The following CENPO variants were observed in gnomAD, a reference collection of about 807,000 sequenced individuals.
The protein encoded by CENPO is centromere protein O.
CENPO carries 30 observed loss-of-function variants against 36.1 expected under a neutral mutation model. That is an observed-to-expected ratio of 0.83 (90% CI 0.62 to 1.13). CENPO has a LOEUF of 1.13. Among genes scored for constraint, CENPO ranks in the 50% most tolerant of loss-of-function variants. CENPO has a pLI of 0.00. For synonymous variants in CENPO, 171 were observed against 142.3 expected, an observed-to-expected ratio of 1.20 and a Z score of -1.44; for missense variants, 349 against 357.8, an observed-to-expected ratio of 0.98 and a Z score of 0.20.
intron 5 of CENPO, 78 bp from the exon 6 acceptor site, chr2:24,816,568 C>A: frequency 1.0e-6 from 1 of 989,726 alleles, no homozygotes; most frequent in East Asian, 2.8e-5. Flanking sequence ...TTTTGGTTGA[C>A]GTAATTGAAG....
chr2:24,812,409 A>G (rs1276055450), intron 3 of CENPO, among the ~76,000 whole-genome samples: 1 of 149,746 alleles, frequency 6.7e-6, no homozygotes, highest in Non-Finnish European at 1.5e-5. Flanking sequence ...TTTTTTTTTT[A>G]TCCTGTTTGG....
rs200842981 is a variant in CENPO, at chr2:24,815,534, C to T, written c.372C>T (p.Val124=). ...AACTGACCAGCCGAGGAGTTTGTGT[C>T]TGCATCAGTACTGCTTTTGAGGGGA... ...SGKLTSRGVC[V]CISTAFEGNL... is the part of the protein sequence containing the mutation. Residue 124 remains valine, a synonymous_variant, in exon 5 of 8, where the codon GTC becomes GTT. Transcript: ENST00000380834. 92 of 1,613,946 alleles carry T rather than the reference C, an allele frequency of 5.7e-5. No individual in the cohort carries two copies. Among genetic ancestry groups the T allele is most frequent in the African/African-American group, 3.9e-4 (29 of 75,036 alleles).
chr2:24,798,111 C>T (rs1665991531), intron 2 of CENPO, among the ~76,000 whole-genome samples: 1 of 152,094 alleles, frequency 6.6e-6, no homozygotes, highest in African/African-American at 2.4e-5. Flanking sequence ...AAATCTGAAA[C>T]ACCTCTAGTC....
At chr2:24,799,637 C>T (rs181584586) in intron 2 of CENPO, 38 bp from the exon 3 acceptor site, 109 of 1,541,488 alleles carry the variant, frequency 7.1e-5, no homozygotes, top group African/African-American at 4.5e-4. Flanking sequence ...GTGAGAAATC[C>T]TCAGCTTCTT....
chr2:24,816,863 T>A, intron 6 of CENPO, 46 bp downstream of exon 6: 1 of 1,527,030 alleles, frequency 6.5e-7, no homozygotes, highest in Non-Finnish European at 8.8e-7. Context: ...CCCAGTTTAT[T>A]TGAGTGAAAC....
At chr2:24,807,849 T>C (rs929061010) in intron 3 of CENPO, among the ~76,000 whole-genome samples, 1 of 152,244 alleles carries the variant, frequency 6.6e-6, no homozygotes, top group Non-Finnish European at 1.5e-5. Context: ...AATATGTCAT[T>C]TTGGATTGAA....
chr2:24,805,976 T>G (rs1276627929), intron 3 of CENPO, among the ~76,000 whole-genome samples: 1 of 152,228 alleles, frequency 6.6e-6, no homozygotes, highest in Non-Finnish European at 1.5e-5. Flanking sequence ...CTCCACCCAG[T>G]TCGAGCTTCC....
intron 3 of CENPO, among the ~76,000 whole-genome samples, chr2:24,809,547 C>A (rs1482149035): frequency 6.6e-6 from 1 of 151,380 alleles, no homozygotes; most frequent in Non-Finnish European, 1.5e-5. Flanking sequence ...TGTATTTTTT[C>A]TTTTTTGTTT....
In CENPO at chr2:24,822,353, A is replaced by C; in HGVS notation, c.*3035A>C. On this transcript the variant is annotated 3_prime_UTR_variant, in exon 8 of 8. Transcript: ENST00000380834. The stretch of plus-strand genomic sequence containing the variant: ...GTTTCTCTGCTTGCCGAACTTTCTC[A>C]ATAAACCCTATTTCTTATTTATATT... The C allele has an allele frequency of 9.1e-7, 1 of 1,094,362 alleles. No individual in the cohort carries two copies. The highest frequency in any genetic ancestry group is 1.3e-6 in the Non-Finnish European group (1 of 765,674). 67.8% of individuals were successfully genotyped at this position (1,094,362 alleles called of 1,614,324 possible).
Position 24,820,635 on chromosome 2 carries a change from G to C in CENPO, c.*1317G>C. ...TCTGGACTTACTGTTCAGGGCCAGGGTGGGAGGCAGGGGCACGTGGGAAAG... is the reference window on the plus strand; with the variant it reads ...TCTGGACTTACTGTTCAGGGCCAGGCTGGGAGGCAGGGGCACGTGGGAAAG... On this transcript the variant is annotated 3_prime_UTR_variant, in exon 8 of 8. Transcript: ENST00000380834. 1 of 1,575,812 alleles carries C rather than the reference G, an allele frequency of 6.3e-7. No homozygotes were observed. The highest frequency in any genetic ancestry group is 1.2e-5 in the South Asian group (1 of 84,534).
rs201226760 is a variant in CENPO, at chr2:24,815,630, A to C, written c.468A>C (p.Pro156=). The stretch of plus-strand genomic sequence containing the variant: ...TCCGGATACATCACCATTCAGTCCC[A>C]GTCTTCATTCCCCTGGAAGAGATAG... ...KPLRIHHHSV[P]VFIPLEEIAA... Residue 156 remains proline, a synonymous_variant, in exon 5 of 8, where the codon CCA becomes CCC. Coordinates refer to ENST00000380834, the MANE Select transcript of CENPO (RefSeq NM_001322101.2). 10 of 1,614,202 alleles carry C rather than the reference A, an allele frequency of 6.2e-6. No homozygotes were observed. The Admixed American group carries it at 1.5e-4, about 24-fold the overall frequency.
intron 3 of CENPO, among the ~76,000 whole-genome samples, chr2:24,811,403 C>T (rs1417826046): frequency 6.6e-6 from 1 of 151,382 alleles, no homozygotes; most frequent in East Asian, 1.9e-4. Context: ...GCCTCAGCCT[C>T]CTGAGTAGCT....
At chr2:24,798,621 C>T (rs1342540005) in intron 2 of CENPO, among the ~76,000 whole-genome samples, 10 of 151,934 alleles carry the variant, frequency 6.6e-5, no homozygotes, top group Admixed American at 5.2e-4. Flanking sequence ...CCACCACACC[C>T]GGCTAATTTT....
At chr2:24,798,974 C>CA in intron 2 of CENPO, among the ~76,000 whole-genome samples, 3 of 125,374 alleles carry the variant, frequency 2.4e-5, no homozygotes, top group Non-Finnish European at 4.9e-5. Flanking sequence ...TCTGGGGCTT[C>CA]CTTTTTTTTT....
chr2:24,816,935 G>A (rs2099505), intron 6 of CENPO, 118 bp downstream of exon 6: 801,274 of 874,052 alleles, frequency 0.92, 367,746 homozygotes, highest in East Asian at 1. Context: ...TTTATATACT[G>A]TACATTACTC....
chr2:24,805,459 T>C (rs530763821), intron 3 of CENPO, among the ~76,000 whole-genome samples: 8 of 152,368 alleles, frequency 5.3e-5, no homozygotes, highest in African/African-American at 1.9e-4. Flanking sequence ...TGTGGTTTTA[T>C]CTACCTTTGG....
At position 24,814,421 on chromosome 2, in the gene CENPO, A is replaced by G. The variant is rs753193976; in HGVS notation, c.262A>G (p.Ile88Val). ...TGTAGAACCCAACCAAACAGTGGAGATCAATGAGCAAGAAGCATTGGAAGA... is the reference window on the plus strand; with the variant it reads ...TGTAGAACCCAACCAAACAGTGGAGGTCAATGAGCAAGAAGCATTGGAAGA... ...ANVEPNQTVE[I>V]NEQEALEEKL... The change falls in exon 4 of 8, where the codon ATC (isoleucine) becomes GTC (valine). Residue 88 changes from isoleucine (I) to valine (V), a missense_variant. Transcript: ENST00000380834. The G allele has an allele frequency of 2.1e-5, 34 of 1,606,628 alleles. No individual in the cohort carries two copies. Among genetic ancestry groups the G allele is most frequent in the Non-Finnish European group, 2.6e-5 (31 of 1,173,260 alleles).
At chr2:24,818,846 C>T (rs762750339) in intron 7 of CENPO, among the ~76,000 whole-genome samples, 2 of 152,206 alleles carry the variant, frequency 1.3e-5, no homozygotes, top group Non-Finnish European at 2.9e-5. Flanking sequence ...CTCCTGTAGC[C>T]CTCCCTTGCC....
intron 2 of CENPO, among the ~76,000 whole-genome samples, chr2:24,797,224 A>C (rs1484068808): frequency 6.6e-6 from 1 of 152,128 alleles, no homozygotes; most frequent in Non-Finnish European, 1.5e-5. Flanking sequence ...GGTCAGGGAG[A>C]AGGTGTGAGG....
Sources: gnomAD v4.1 joint callset for allele counts (sites outside exome capture counted in the v4.1 genomes callset) on GRCh38, gnomAD v4.1.1 for gene constraint, MANE v1.5 for transcripts, NCBI Gene and HGNC (gene_info 2026-07-23, HGNC 2026-07-21) for gene names.